EPHA6: variants seen among roughly 807,000 people sequenced by gnomAD.
EPHA6 encodes the protein EPH receptor A6, also known as ephrin type-A receptor 6.
In EPHA6, 50 loss-of-function variants were observed where a neutral mutation model predicts 112.0. The observed-to-expected ratio is 0.45, with a 90% CI of 0.36 to 0.56. EPHA6 has a LOEUF of 0.56. Ranked by LOEUF, EPHA6 falls within the 20% of genes least tolerant of loss-of-function variation. The pLI, the probability that EPHA6 is intolerant of heterozygous loss-of-function variation, is 0.00. For synonymous variants in EPHA6, 529 were observed against 490.7 expected (o/e 1.08, Z -1.03); for missense variants, 1,280 against 1,417.4 (o/e 0.90, Z 1.56).
At chr3:96,977,087 T>C in intron 2 of EPHA6, among the ~76,000 whole-genome samples, 1 of 152,230 alleles carries the variant, frequency 6.6e-6, no homozygotes, top group East Asian at 1.9e-4. Flanking sequence ...GCTGGCTCTC[T>C]ATAGGCCACT....
At chr3:97,621,366 G>A (rs773111542) in intron 13 of EPHA6, among the ~76,000 whole-genome samples, 5 of 151,932 alleles carry the variant, frequency 3.3e-5, no homozygotes, top group Non-Finnish European at 7.4e-5. Context: ...AAGCCCCCAT[G>A]ACACAACCAT....
At chr3:96,882,503 C>T (rs1271466984) in intron 2 of EPHA6, among the ~76,000 whole-genome samples, 1 of 152,042 alleles carries the variant, frequency 6.6e-6, no homozygotes, top group Non-Finnish European at 1.5e-5. Flanking sequence ...CCTTTCCCAC[C>T]TCTCACCACT....
intron 14 of EPHA6, 34 bp downstream of exon 14, chr3:97,638,116 T>C (rs1401363504): frequency 6.8e-7 from 1 of 1,480,360 alleles, no homozygotes; most frequent in Non-Finnish European, 9.3e-7. Flanking sequence ...ATATAGTCTG[T>C]TTACTTTTAT....
chr3:96,922,819 A>G (rs1441611724), intron 2 of EPHA6, among the ~76,000 whole-genome samples: 2 of 152,068 alleles, frequency 1.3e-5, no homozygotes, highest in East Asian at 3.9e-4. Flanking sequence ...GCCCTGTCCC[A>G]CAGGCCCCAG....
At chr3:96,894,005 G>A (rs75082172) in intron 2 of EPHA6, among the ~76,000 whole-genome samples, 4,282 of 152,194 alleles carry the variant, frequency 0.028, 201 homozygotes, top group African/African-American at 0.095. Context: ...TGGATGAAAC[G>A]TCTCTATTCT....
chr3:97,480,587 T>C (rs1233572804), intron 9 of EPHA6, among the ~76,000 whole-genome samples: 1 of 152,236 alleles, frequency 6.6e-6, no homozygotes, highest in Non-Finnish European at 1.5e-5. Context: ...GGCAGAAGAA[T>C]TTTTCTTAGT....
At chr3:97,377,651 G>A (rs1308480481) in intron 5 of EPHA6, among the ~76,000 whole-genome samples, 1 of 152,184 alleles carries the variant, frequency 6.6e-6, no homozygotes, top group African/African-American at 2.4e-5. Context: ...TGAAATTCAG[G>A]CTGAGTTGGT....
At chr3:96,994,769 A>G (rs1189222673) in intron 3 of EPHA6, among the ~76,000 whole-genome samples, 1 of 143,694 alleles carries the variant, frequency 7.0e-6, no homozygotes, top group Non-Finnish European at 1.5e-5. Flanking sequence ...AGAGCTATAT[A>G]TATACCTACA....
intron 12 of EPHA6, among the ~76,000 whole-genome samples, chr3:97,599,157 T>C (rs1011519144): frequency 6.6e-6 from 1 of 151,800 alleles, no homozygotes; most frequent in African/African-American, 2.4e-5. Flanking sequence ...TTGTAGATTC[T>C]GGATATTAGC....
chr3:97,477,705 G>A (rs1007475272), intron 8 of EPHA6, among the ~76,000 whole-genome samples: 2 of 152,104 alleles, frequency 1.3e-5, no homozygotes, highest in Admixed American at 1.3e-4. Context: ...AAACCTTACT[G>A]TATATTCCTT....
In EPHA6 at chr3:97,485,855, T is replaced by A. The variant is rs147274369; in HGVS notation, c.2200+1796T>A. Reference sequence around the variant, plus strand: ...TGTGAAAAACTGATATGTCTTTTTATACTGCCTTGTCCAATACTCACATAG... The same window carrying A: ...TGTGAAAAACTGATATGTCTTTTTAAACTGCCTTGTCCAATACTCACATAG... On this transcript the variant is annotated intron_variant, in intron 10 of 17. Coordinates refer to ENST00000389672, the MANE Select transcript of EPHA6 (RefSeq NM_001080448.3). Among the ~76,000 whole-genome samples the A allele has an allele frequency of 9.5e-3, 1,443 of 152,342 alleles. 21 individuals carry two copies. The highest frequency in any genetic ancestry group is 0.031 in the African/African-American group (1,298 of 41,572).
chr3:97,535,161 G>A (rs947070296), intron 11 of EPHA6, among the ~76,000 whole-genome samples: 2 of 151,898 alleles, frequency 1.3e-5, no homozygotes, highest in Non-Finnish European at 2.9e-5. Flanking sequence ...TGTGGTACTT[G>A]CCTGCCAGTT....
chr3:97,490,253 A>G (rs943098147), intron 10 of EPHA6, among the ~76,000 whole-genome samples: 1 of 152,220 alleles, frequency 6.6e-6, no homozygotes, highest in Non-Finnish European at 1.5e-5. Flanking sequence ...ATATGTGCAA[A>G]TAAAAATAAG....
At chr3:96,885,338 T>G (rs2037563801) in intron 2 of EPHA6, among the ~76,000 whole-genome samples, 1 of 152,182 alleles carries the variant, frequency 6.6e-6, no homozygotes, top group East Asian at 1.9e-4. Context: ...GGAATTCTGC[T>G]GTAAATCCCT....
chr3:96,885,499 C>A (rs578089006), intron 2 of EPHA6, among the ~76,000 whole-genome samples: 4 of 152,124 alleles, frequency 2.6e-5, no homozygotes, highest in Admixed American at 2.6e-4. Context: ...TCTAGGTTTT[C>A]AGTTTATGTG....
At chr3:97,434,806 T>C (rs1336420728) in intron 6 of EPHA6, among the ~76,000 whole-genome samples, 2 of 152,100 alleles carry the variant, frequency 1.3e-5, no homozygotes, top group Non-Finnish European at 2.9e-5. Context: ...AAACAATGGC[T>C]GGTGGCTGGA....
At chr3:97,450,290 C>A (rs1353466352) in intron 7 of EPHA6, among the ~76,000 whole-genome samples, 1 of 151,986 alleles carries the variant, frequency 6.6e-6, no homozygotes, top group African/African-American at 2.4e-5. Context: ...AGGATACAGT[C>A]CAAGGAAAGT....
chr3:97,443,077 A>C (rs987036448), intron 6 of EPHA6, among the ~76,000 whole-genome samples: 4 of 152,064 alleles, frequency 2.6e-5, no homozygotes, highest in African/African-American at 9.7e-5. Flanking sequence ...CATGTTCTAA[A>C]TGTGGTTTTA....
intron 13 of EPHA6, among the ~76,000 whole-genome samples, chr3:97,615,212 C>T (rs2093755306): frequency 6.6e-6 from 1 of 152,150 alleles, no homozygotes; most frequent in African/African-American, 2.4e-5. Context: ...CCGGAAACCA[C>T]ACTTCTCCCA....
Sources: gnomAD v4.1 joint callset for allele counts (sites outside exome capture counted in the v4.1 genomes callset) on GRCh38, gnomAD v4.1.1 for gene constraint, MANE v1.5 for transcripts, NCBI Gene and HGNC (gene_info 2026-07-23, HGNC 2026-07-21) for gene names.